The following SLC7A9 variants were observed in gnomAD, a reference collection of about 807,000 sequenced individuals.
SLC7A9 encodes B(0,+)-type amino acid transporter 1.
In SLC7A9, 38 loss-of-function variants were observed where a neutral mutation model predicts 54.1. The observed-to-expected ratio is 0.70, with a 90% CI of 0.54 to 0.92. SLC7A9 has a LOEUF of 0.92. SLC7A9 is among the 40% of genes least tolerant of loss of function. The pLI is 0.00. For missense variants in SLC7A9, 537 were observed against 636.1 expected, an observed-to-expected ratio of 0.84 and a Z score of 1.68; for synonymous variants, 264 against 258.9, an observed-to-expected ratio of 1.02 and a Z score of -0.19.
At chr19:32,851,456 C>G (rs1253660810) in intron 9 of SLC7A9, among the ~76,000 whole-genome samples, 1 of 151,222 alleles carries the variant, frequency 6.6e-6, no homozygotes, top group Admixed American at 6.6e-5. Context: ...AAATGCAAAT[C>G]AAAACCACAA....
chr19:32,868,224 C>T (rs534329547), intron 2 of SLC7A9, among the ~76,000 whole-genome samples: 1 of 126,836 alleles, frequency 7.9e-6, no homozygotes, highest in African/African-American at 3.2e-5. Context: ...GAGCAACACT[C>T]CATCTCAAAA....
chr19:32,854,653 A>C (rs1187900558), intron 9 of SLC7A9, among the ~76,000 whole-genome samples: 3 of 151,998 alleles, frequency 2.0e-5, no homozygotes, highest in Non-Finnish European at 4.4e-5. Context: ...CACTGGTGCG[A>C]TCTCGGCTCA....
chr19:32,858,540 A>G lies in SLC7A9; in HGVS notation c.877T>C (p.Phe293Leu). The change falls in exon 9 of 13, where the codon TTT becomes CTT. Residue 293 changes from phenylalanine (F) to leucine (L), a missense_variant. Transcript: ENST00000023064. ...GCAGGATAGAGAACACGGTCACCAA[A>G]TGTCTGGTGAGAGAAGCGAGATGAG... ...LLQSQAVAVT[F>L]GDRVLYPASW... 6.2e-7 allele frequency: 1 copy of G among 1,610,204 alleles called. No homozygotes were observed. The highest frequency in any genetic ancestry group is 1.1e-5 in the South Asian group (1 of 90,968).
Position 32,859,942 on chromosome 19 carries a change from T to A in SLC7A9, c.772A>T (p.Ile258Phe). 1.9e-6 allele frequency: 3 copies of A among 1,613,978 alleles called. No homozygotes were observed. The highest frequency in any genetic ancestry group is 2.5e-6 in the Non-Finnish European group (3 of 1,179,992). ...CACGCCGTCACCAGGGGGATCCCGA[T>A]GATAATGGCCAAAGGCAGGTTTCTG... ...PYRNLPLAII[I>F]GIPLVTACYI... Residue 258 changes from isoleucine (I) to phenylalanine (F), a missense_variant, in exon 8 of 13, where the codon ATC becomes TTC. Transcript: ENST00000023064.
chr19:32,840,201 C>G (rs1024078760), intron 11 of SLC7A9, among the ~76,000 whole-genome samples: 1 of 152,078 alleles, frequency 6.6e-6, no homozygotes, highest in Non-Finnish European at 1.5e-5. Flanking sequence ...GCAACGGGGT[C>G]CCTCTCTGTT....
intron 9 of SLC7A9, among the ~76,000 whole-genome samples, chr19:32,856,344 G>A (rs147164004): frequency 5.9e-5 from 9 of 151,960 alleles, no homozygotes; most frequent in East Asian, 1.9e-4. Context: ...ACAGGCGCCC[G>A]CCACCACGCA....
rs374629909 is a variant in SLC7A9, at chr19:32,833,331, C to T, written c.1225-8G>A. The T allele has an allele frequency of 6.3e-5, 101 of 1,613,654 alleles. 2 individuals carry two copies. In the South Asian group the frequency reaches 8.3e-4, roughly 13 times the overall value. On this transcript the variant is annotated splice_polypyrimidine_tract_variant and splice_region_variant and intron_variant, in intron 11 of 12. Transcript: ENST00000023064. Reference sequence around the variant, plus strand: ...GGGAATGACTACGGGCACCTGGAGACGAAAAACAGGTCATGGGTACCCATT... The same window carrying T: ...GGGAATGACTACGGGCACCTGGAGATGAAAAACAGGTCATGGGTACCCATT...
Position 32,868,527 on chromosome 19 carries a change from T to TC in SLC7A9, c.7dup (p.Asp3GlyfsTer11), listed in dbSNP as rs758387997. 1.2e-6 allele frequency: 2 copies of TC among 1,613,796 alleles called. No individual in the cohort carries two copies. Among genetic ancestry groups the TC allele is most frequent in the East Asian group, 4.5e-5 (2 of 44,874 alleles). On this transcript the variant is annotated frameshift_variant, in exon 2 of 13. Transcript: ENST00000023064. LOFTEE classifies it high-confidence loss of function. ...CTCTCTCCGCTTTCTCAGGCCAGTA[T>TC]CCCCCATGTTTCCTCCTGCTGGTTC...
intron 11 of SLC7A9, among the ~76,000 whole-genome samples, chr19:32,837,492 C>CAAAAAAAA (rs57648590): frequency 1.8e-5 from 1 of 54,574 alleles, no homozygotes; most frequent in African/African-American, 5.8e-5. Flanking sequence ...GATTCCATCT[C>CAAAAAAAA]AAAAAAAAAA....
At chr19:32,837,288 A>G (rs558107977) in intron 11 of SLC7A9, among the ~76,000 whole-genome samples, 7 of 152,254 alleles carry the variant, frequency 4.6e-5, no homozygotes, top group African/African-American at 1.7e-4. Context: ...TTGAGCCAGG[A>G]GTTCAAGACC....
chr19:32,841,299 T>A (rs1968120016), intron 11 of SLC7A9, among the ~76,000 whole-genome samples: 1 of 151,918 alleles, frequency 6.6e-6, no homozygotes, highest in African/African-American at 2.4e-5. Flanking sequence ...TTCTACTTCA[T>A]CCTTATTGGT....
intron 11 of SLC7A9, among the ~76,000 whole-genome samples, chr19:32,836,671 C>T (rs1209726412): frequency 3.9e-5 from 6 of 152,148 alleles, no homozygotes; most frequent in East Asian, 1.9e-4. Context: ...ACCAGTGCTG[C>T]GTCCAGATCT....
intron 11 of SLC7A9, among the ~76,000 whole-genome samples, chr19:32,835,252 A>C (rs1470196097): frequency 6.6e-6 from 1 of 152,164 alleles, no homozygotes; most frequent in East Asian, 1.9e-4. Flanking sequence ...ATTGGTGAGT[A>C]CATTTCCCTT....
chr19:32,844,450 C>T (rs919670172), intron 9 of SLC7A9, among the ~76,000 whole-genome samples: 3 of 152,092 alleles, frequency 2.0e-5, no homozygotes, highest in Admixed American at 2.0e-4. Flanking sequence ...TATCCTTTAG[C>T]AAGTCTCTCT....
intron 9 of SLC7A9, among the ~76,000 whole-genome samples, 197 bp from the exon 10 acceptor site, chr19:32,844,148 A>C (rs1449499026): frequency 6.6e-6 from 1 of 152,046 alleles, no homozygotes; most frequent in African/African-American, 2.4e-5. Context: ...AGGAGGTTAA[A>C]CGCACTGAGA....
chr19:32,837,680 G>T (rs1262049351), intron 11 of SLC7A9, among the ~76,000 whole-genome samples: 1 of 152,036 alleles, frequency 6.6e-6, no homozygotes, highest in African/African-American at 2.4e-5. Flanking sequence ...CAATAACATG[G>T]TCTCGCAAGA....
intron 11 of SLC7A9, among the ~76,000 whole-genome samples, chr19:32,834,337 C>T (rs1013834440): frequency 3.9e-5 from 6 of 152,236 alleles, no homozygotes; most frequent in Admixed American, 3.9e-4. Context: ...ATTTAAAGAC[C>T]ATAACCTGGA....
chr19:32,844,707 T>G (rs900559193), intron 9 of SLC7A9, among the ~76,000 whole-genome samples: 2 of 151,444 alleles, frequency 1.3e-5, no homozygotes, highest in African/African-American at 4.9e-5. Context: ...GGTGCACACC[T>G]GTAGTCCCAG....
chr19:32,864,451 G>A (rs1229809204), intron 3 of SLC7A9, 113 bp from the exon 4 acceptor site: 51 of 1,534,558 alleles, frequency 3.3e-5, no homozygotes, highest in East Asian at 4.5e-5. Flanking sequence ...ACCGTGGTCC[G>A]CCCTCGCTGG....
Sources: gnomAD v4.1 joint callset for allele counts (sites outside exome capture counted in the v4.1 genomes callset) on GRCh38, gnomAD v4.1.1 for gene constraint, MANE v1.5 for transcripts, NCBI Gene and HGNC (gene_info 2026-07-23, HGNC 2026-07-21) for gene names.